The following RB1 variants were observed in gnomAD, a reference collection of about 807,000 sequenced individuals.
The protein encoded by RB1 is RB transcriptional corepressor 1.
A neutral mutation model predicts 135.4 loss-of-function variants in RB1; 18 were observed. The ratio of observed to expected loss-of-function variants is 0.13; its 90% confidence interval spans 0.09 to 0.20. The LOEUF is 0.20. RB1 is among the 10% of genes least tolerant of loss of function. The probability of loss-of-function intolerance (pLI) is 1.00; values close to 1 mark genes in which losing one functional copy is unlikely to be tolerated. For synonymous variants in RB1, 365 were observed against 373.2 expected, an observed-to-expected ratio of 0.98 and a Z score of 0.25; for missense variants, 868 against 1,110.0, an observed-to-expected ratio of 0.78 and a Z score of 3.10.
At chr13:48,422,427 A>C (rs1211750644) in intron 17 of RB1, among the ~76,000 whole-genome samples, 1 of 152,200 alleles carries the variant, frequency 6.6e-6, no homozygotes, top group East Asian at 1.9e-4. Context: ...TGATGGGTTG[A>C]TGGGTGCAGC....
At chr13:48,348,132 CA>C (rs1952514607) in intron 5 of RB1, among the ~76,000 whole-genome samples, 1 of 151,958 alleles carries the variant, frequency 6.6e-6, no homozygotes, top group Admixed American at 6.6e-5. Flanking sequence ...GCAACAAATG[CA>C]AATTCATTGA....
At chr13:48,413,551 C>A (rs1192058142) in intron 17 of RB1, among the ~76,000 whole-genome samples, 1 of 152,104 alleles carries the variant, frequency 6.6e-6, no homozygotes, top group Non-Finnish European at 1.5e-5. Context: ...GAAACAGGGG[C>A]CTTTAACCTT....
At chr13:48,363,204 G>GTTTTTTTTTTTTT (rs11332935) in intron 8 of RB1, among the ~76,000 whole-genome samples, 1 of 141,750 alleles carries the variant, frequency 7.1e-6, no homozygotes. Context: ...TTCAAATGTA[G>GTTTTTTTTTTTTT]TTTTTTTTTT....
intron 2 of RB1, chr13:48,318,918 C>G: frequency 1.7e-6 from 2 of 1,183,360 alleles, no homozygotes; most frequent in Non-Finnish European, 1.2e-6. Flanking sequence ...GAGCTACTGT[C>G]GCCGTCAGAG....
Position 48,395,026 on chromosome 13 carries a change from T to C in RB1, c.1695+13583T>C, listed in dbSNP as rs138170838. On this transcript the variant is annotated intron_variant, in intron 17 of 26. Transcript: ENST00000267163. ...AGCTGCCATCTGGTGGGTACCCCTCTGGGACGAAGCTTCCAGAGGAAGGAA... is the reference window on the plus strand; with the variant it reads ...AGCTGCCATCTGGTGGGTACCCCTCCGGGACGAAGCTTCCAGAGGAAGGAA... 6.5e-3 allele frequency among the ~76,000 whole-genome samples: 989 copies of C among 152,298 alleles called. 15 individuals carry two copies. The highest frequency in any genetic ancestry group is 0.023 in the African/African-American group (942 of 41,570).
At chr13:48,333,266 T>G (rs1190184936) in intron 2 of RB1, 2 of 387,150 alleles carry the variant, frequency 5.2e-6, no homozygotes, top group South Asian at 2.9e-4. Context: ...TCATATTTGG[T>G]AAAAGGAGTT....
chr13:48,397,367 C>T (rs918490121), intron 17 of RB1, among the ~76,000 whole-genome samples: 1 of 152,068 alleles, frequency 6.6e-6, no homozygotes, highest in Non-Finnish European at 1.5e-5. Flanking sequence ...AGCTGGAAAC[C>T]ATCATTCTCA....
At chr13:48,349,174 TC>T (rs1337331975) in intron 6 of RB1, 151 bp downstream of exon 6, 34 of 754,910 alleles carry the variant, frequency 4.5e-5, no homozygotes, top group Non-Finnish European at 5.9e-5. Flanking sequence ...TTCCTATAAT[TC>T]TGGTACTAGA....
At chr13:48,367,327 G>A (rs1418611493) in intron 9 of RB1, among the ~76,000 whole-genome samples, 167 bp from the exon 10 acceptor site, 1 of 152,038 alleles carries the variant, frequency 6.6e-6, no homozygotes, top group East Asian at 1.9e-4. Flanking sequence ...GCAATTTTCT[G>A]TACCTCACTT....
intron 17 of RB1, among the ~76,000 whole-genome samples, chr13:48,386,831 A>G (rs1174639324): frequency 2.0e-5 from 3 of 152,220 alleles, no homozygotes; most frequent in Non-Finnish European, 4.4e-5. Context: ...GTGAACCAGT[A>G]TTTCCAAATG....
chr13:48,412,480 T>C, intron 17 of RB1: 2 of 1,141,386 alleles, frequency 1.8e-6, no homozygotes, highest in South Asian at 2.5e-5. Flanking sequence ...GCAGTCTCCT[T>C]TGGGATTCAG....
At chr13:48,402,379 C>CTTTTCTTTT (rs1555288403) in intron 17 of RB1, among the ~76,000 whole-genome samples, 5 of 125,718 alleles carry the variant, frequency 4.0e-5, no homozygotes, top group Non-Finnish European at 8.2e-5. Flanking sequence ...TGTAGAAAAC[C>CTTTTCTTTT]TTTTTTTTTT....
intron 2 of RB1, chr13:48,317,610 C>A: frequency 2.1e-6 from 1 of 479,368 alleles, no homozygotes; most frequent in South Asian, 2.3e-5. Flanking sequence ...GCTGGTCTTT[C>A]TGAATGTAAA....
intron 2 of RB1, among the ~76,000 whole-genome samples, chr13:48,342,037 G>A (rs1378025391): frequency 6.6e-6 from 1 of 151,852 alleles, no homozygotes; most frequent in Non-Finnish European, 1.5e-5. Context: ...TATATACTAC[G>A]CCAAAGGCTT....
At chr13:48,352,223 G>A (rs1212054432) in intron 6 of RB1, among the ~76,000 whole-genome samples, 1 of 151,920 alleles carries the variant, frequency 6.6e-6, no homozygotes, top group African/African-American at 2.4e-5. Flanking sequence ...GCCTGTTTTT[G>A]TACCAGTAAC....
At chr13:48,476,891 G>C (rs1949507826) in intron 25 of RB1, 48 bp downstream of exon 25, 1 of 1,600,858 alleles carries the variant, frequency 6.2e-7, no homozygotes, top group South Asian at 1.1e-5. Context: ...TGGTCATCTG[G>C]GGAATCCAGA....
intron 2 of RB1, among the ~76,000 whole-genome samples, chr13:48,332,274 T>C (rs1305933433): frequency 1.3e-5 from 2 of 152,210 alleles, no homozygotes; most frequent in African/African-American, 2.4e-5. Context: ...CTTTCAGTTA[T>C]AAAATGAATA....
chr13:48,318,802 G>T, intron 2 of RB1: 1 of 850,768 alleles, frequency 1.2e-6, no homozygotes, highest in Non-Finnish European at 1.9e-6. Context: ...AGTGGGCCCT[G>T]GGCAGCCTGC....
At chr13:48,387,718 T>C (rs2138153504) in intron 17 of RB1, among the ~76,000 whole-genome samples, 1 of 152,300 alleles carries the variant, frequency 6.6e-6, no homozygotes, top group African/African-American at 2.4e-5. Flanking sequence ...GTATAGGATG[T>C]AATTTTTTAA....
Sources: gnomAD v4.1 joint callset for allele counts (sites outside exome capture counted in the v4.1 genomes callset) on GRCh38, gnomAD v4.1.1 for gene constraint, MANE v1.5 for transcripts, NCBI Gene and HGNC (gene_info 2026-07-23, HGNC 2026-07-21) for gene names.